Variants in CFAP119 observed in about 807,000 individuals in gnomAD.
CFAP119 encodes the protein cilia and flagella associated protein 119.
At chr16:30,761,783 C>G in the CFAP119 span, 2 of 1,491,370 alleles carry the variant, frequency 1.3e-6, no homozygotes, top group African/African-American at 2.8e-5. Flanking sequence ...GCGCCCCGGG[C>G]TCCCGCCGCC....
At chr16:30,761,251 G>C in the CFAP119 span, 1 of 1,613,658 alleles carries the variant, frequency 6.2e-7, no homozygotes, top group Non-Finnish European at 8.5e-7. Flanking sequence ...AAGCGAATTG[G>C]GGAAGGCAGC....
At chr16:30,761,165 T>C in the CFAP119 span, 1 of 1,611,170 alleles carries the variant, frequency 6.2e-7, no homozygotes, top group Non-Finnish European at 8.5e-7. Context: ...AGAACGCAAA[T>C]ATTCAGTGTA....
At chr16:30,757,697 G>T in the CFAP119 span, 4 of 1,567,250 alleles carry the variant, frequency 2.6e-6, no homozygotes, top group Non-Finnish European at 3.5e-6. Flanking sequence ...GAGAGATGCT[G>T]TCTGGCAATG....
the CFAP119 span, chr16:30,761,818 G>C: frequency 7.2e-7 from 1 of 1,393,684 alleles, no homozygotes; most frequent in Non-Finnish European, 9.5e-7. Context: ...GCCAGCGCTC[G>C]GTCGGCGGCT....
the CFAP119 span, chr16:30,757,851 A>G: frequency 3.6e-6 from 5 of 1,390,594 alleles, no homozygotes; most frequent in South Asian, 1.6e-5. Flanking sequence ...TGGACTTTGC[A>G]GCTTCAAATT....
At chr16:30,761,559 C>G in the CFAP119 span, 1 of 1,536,178 alleles carries the variant, frequency 6.5e-7, no homozygotes, top group South Asian at 1.2e-5. Flanking sequence ...AACAAGTTGG[C>G]TCCGGGGTCT....
chr16:30,760,641 G>A, the CFAP119 span: 3 of 1,555,756 alleles, frequency 1.9e-6, no homozygotes, highest in South Asian at 1.2e-5. Flanking sequence ...TCTCCAGCTG[G>A]TGCATGGAAT....
the CFAP119 span, chr16:30,760,815 T>A: frequency 1.4e-6 from 1 of 717,144 alleles, no homozygotes; most frequent in Non-Finnish European, 2.4e-6. Flanking sequence ...AATCGTTAAC[T>A]CTCTGGGCCT....
At chr16:30,761,739 G>C in the CFAP119 span, 5 of 1,523,164 alleles carry the variant, frequency 3.3e-6, no homozygotes, top group South Asian at 3.6e-5. Context: ...CTGGTCTTGC[G>C]GTTGAGCATC....
At chr16:30,757,719 C>T in the CFAP119 span, 5 of 1,523,796 alleles carry the variant, frequency 3.3e-6, no homozygotes, top group Non-Finnish European at 4.4e-6. Flanking sequence ...GGGGATGGTC[C>T]CTAGTTGGGC....
the CFAP119 span, chr16:30,761,159 C>G: frequency 6.2e-7 from 1 of 1,607,336 alleles, no homozygotes; most frequent in South Asian, 1.1e-5. Flanking sequence ...CAATAAAGAA[C>G]GCAAATATTC....
the CFAP119 span, chr16:30,760,177 G>A: frequency 3.1e-6 from 5 of 1,601,710 alleles, no homozygotes; most frequent in Non-Finnish European, 4.2e-6. Flanking sequence ...TACTAATAAT[G>A]ACATATTCCA....
chr16:30,761,559 C>A, the CFAP119 span: 11 of 1,536,178 alleles, frequency 7.2e-6, no homozygotes, highest in Non-Finnish European at 9.6e-6. Context: ...AACAAGTTGG[C>A]TCCGGGGTCT....
At chr16:30,757,499 T>G in the CFAP119 span, 7 of 1,614,094 alleles carry the variant, frequency 4.3e-6, no homozygotes, top group Non-Finnish European at 5.9e-6. Context: ...CTCTTGCCTT[T>G]ACCCGGAGGT....
chr16:30,760,586 A>C, the CFAP119 span: 1 of 1,562,476 alleles, frequency 6.4e-7, no homozygotes, highest in Non-Finnish European at 8.7e-7. Flanking sequence ...AGCTCTTCCC[A>C]CGCCCCCCTC....
the CFAP119 span, chr16:30,760,588 G>GC: frequency 6.4e-7 from 1 of 1,560,832 alleles, no homozygotes; most frequent in Non-Finnish European, 8.7e-7. Flanking sequence ...CTCTTCCCAC[G>GC]CCCCCCTCAG....
At chr16:30,761,644 C>T in the CFAP119 span, 17 of 1,535,910 alleles carry the variant, frequency 1.1e-5, no homozygotes, top group Admixed American at 3.9e-5. Flanking sequence ...CCGACCCATG[C>T]ACTGAGCTGC....
At chr16:30,760,661 G>C in the CFAP119 span, 2 of 1,546,126 alleles carry the variant, frequency 1.3e-6, no homozygotes, top group African/African-American at 2.9e-5. Flanking sequence ...TGGACGTCCA[G>C]GTACTTCCTG....
At chr16:30,757,613 T>C in the CFAP119 span, 1 of 1,614,140 alleles carries the variant, frequency 6.2e-7, no homozygotes, top group African/African-American at 1.3e-5. Context: ...AGCTCTTTGT[T>C]CACTTGGGTC....
Sources: gnomAD v4.1 joint callset for allele counts on GRCh38, gnomAD v4.1.1 for gene constraint, MANE v1.5 for transcripts, NCBI Gene and HGNC (gene_info 2026-07-23, HGNC 2026-07-21) for gene names.